AOPEP: variants seen among roughly 807,000 people sequenced by gnomAD.
AOPEP encodes aminopeptidase O.
A neutral mutation model predicts 98.1 loss-of-function variants in AOPEP; 77 were observed. The observed-to-expected ratio is 0.78, with a 90% CI of 0.65 to 0.95. AOPEP has a LOEUF of 0.95. AOPEP is among the 40% of genes least tolerant of loss of function. The pLI, the probability that AOPEP is intolerant of heterozygous loss-of-function variation, is 0.00. For missense variants in AOPEP, 1,024 were observed against 1,024.7 expected (o/e 1.00, Z 0.01); for synonymous variants, 346 against 365.3 (o/e 0.95, Z 0.60).
At chr9:95,099,380 G>T in the AOPEP span, 2 of 228,062 alleles carry the variant, frequency 8.8e-6, no homozygotes, top group Non-Finnish European at 1.7e-5. Flanking sequence ...GCCTCCCTGC[G>T]GCTGCCCCTG....
intron 3 of AOPEP, among the ~76,000 whole-genome samples, chr9:94,778,278 A>G (rs1489901429): frequency 1.3e-5 from 2 of 152,176 alleles, no homozygotes; most frequent in East Asian, 1.9e-4. Context: ...CGATCTAGCA[A>G]TTTTACTCTT....
At chr9:95,073,063 C>T (rs911552564) in intron 14 of AOPEP, among the ~76,000 whole-genome samples, 2 of 152,238 alleles carry the variant, frequency 1.3e-5, no homozygotes, top group Non-Finnish European at 2.9e-5. Context: ...GTGCCTGTCC[C>T]TGGGTCTCCC....
chr9:95,090,592 C>T (rs59069079), downstream of AOPEP, among the ~76,000 whole-genome samples: 2,935 of 152,226 alleles, frequency 0.019, 97 homozygotes, highest in African/African-American at 0.066. Context: ...TGCACTTGGT[C>T]GCCTGCAGGC....
intron 11 of AOPEP, among the ~76,000 whole-genome samples, chr9:94,989,860 C>T (rs1389543602): frequency 6.8e-6 from 1 of 147,708 alleles, no homozygotes; most frequent in Non-Finnish European, 1.5e-5. Context: ...CCGCCCGCCT[C>T]GGCCTCCCAA....
At chr9:95,116,018 G>A in the AOPEP span, among the ~76,000 whole-genome samples, 1 of 152,204 alleles carries the variant, frequency 6.6e-6, no homozygotes, top group Non-Finnish European at 1.5e-5. Flanking sequence ...GCTCTTCTAG[G>A]AACTAGCACA....
At chr9:95,146,780 C>G in the AOPEP span, among the ~76,000 whole-genome samples, 1 of 151,838 alleles carries the variant, frequency 6.6e-6, no homozygotes, top group Non-Finnish European at 1.5e-5. Context: ...AGAGGCCATG[C>G]AACAATTTTC....
intron 5 of AOPEP, chr9:94,824,761 A>G (rs1224080814): frequency 6.6e-6 from 1 of 152,150 alleles, no homozygotes; most frequent in Non-Finnish European, 1.5e-5. Flanking sequence ...AACATAATAA[A>G]TTCGAGAAAA....
At chr9:94,766,491 C>G (rs984578613) in intron 2 of AOPEP, among the ~76,000 whole-genome samples, 1 of 152,162 alleles carries the variant, frequency 6.6e-6, no homozygotes, top group African/African-American at 2.4e-5. Flanking sequence ...GAGCTGAGAT[C>G]GCGCCACTGC....
chr9:94,756,346 C>A (rs537994574), intron 1 of AOPEP, among the ~76,000 whole-genome samples: 3 of 151,810 alleles, frequency 2.0e-5, no homozygotes, highest in Non-Finnish European at 4.4e-5. Context: ...GGCAGATCGC[C>A]TGAGCTGAAG....
intron 5 of AOPEP, among the ~76,000 whole-genome samples, chr9:94,881,623 A>G (rs974518802): frequency 5.9e-5 from 9 of 152,130 alleles, no homozygotes; most frequent in Non-Finnish European, 1.0e-4. Flanking sequence ...TGTTTTTTTA[A>G]TTAAACTGCT....
intron 13 of AOPEP, among the ~76,000 whole-genome samples, chr9:95,023,400 C>G (rs1483282151): frequency 6.6e-6 from 1 of 152,190 alleles, no homozygotes; most frequent in Non-Finnish European, 1.5e-5. Context: ...CTAGTGGGTC[C>G]CAGCCACAGG....
chr9:95,093,667 C>T, the AOPEP span, among the ~76,000 whole-genome samples: 4 of 152,348 alleles, frequency 2.6e-5, no homozygotes, highest in South Asian at 8.3e-4. Flanking sequence ...ATTACCGTCT[C>T]CACCCTGGCG....
At chr9:95,123,392 C>A in the AOPEP span, 1 of 440,326 alleles carries the variant, frequency 2.3e-6, no homozygotes, top group Non-Finnish European at 4.5e-6. Flanking sequence ...GTAACCCCAG[C>A]ACTTTGGGAG....
chr9:95,056,414 A>G (rs971581207), intron 13 of AOPEP: 6 of 152,410 alleles, frequency 3.9e-5, no homozygotes, highest in African/African-American at 1.4e-4. Flanking sequence ...AAGGTCAGTC[A>G]TGGGACATGT....
At chr9:95,015,774 C>A (rs928755149) in intron 13 of AOPEP, among the ~76,000 whole-genome samples, 15 of 152,190 alleles carry the variant, frequency 9.9e-5, no homozygotes, top group Non-Finnish European at 1.9e-4. Flanking sequence ...CAGTTTCATT[C>A]AACTCTTGTT....
chr9:94,956,917 G>T (rs1006974670), intron 9 of AOPEP, among the ~76,000 whole-genome samples: 1 of 152,194 alleles, frequency 6.6e-6, no homozygotes, highest in African/African-American at 2.4e-5. Context: ...AACAAGACCG[G>T]ATGGCTGTTC....
chr9:95,146,241 T>G, the AOPEP span, among the ~76,000 whole-genome samples: 502 of 152,006 alleles, frequency 3.3e-3, 8 homozygotes, highest in East Asian at 0.044. Context: ...AATCCCAACA[T>G]TTTGGGAGGC....
In AOPEP at chr9:94,980,559, T is replaced by C. The variant is rs1436196932; in HGVS notation, c.1977+1132T>C. ...TTGTCCATTTTCACCACAGGGGAAA[T>C]GTCAGCCATCAGCAACCATAAGCTC... On this transcript the variant is annotated intron_variant, in intron 11 of 16. Coordinates refer to ENST00000375315, the MANE Select transcript of AOPEP (RefSeq NM_001193329.3). This position sits in a 1 kb window ranked among gnomAD's most constrained non-coding sequence, Gnocchi z 4.3. Among the ~76,000 whole-genome samples the C allele has an allele frequency of 2.0e-5, 3 of 152,216 alleles. No homozygotes were observed. The East Asian group carries it at 5.8e-4, about 29-fold the overall frequency.
intron 1 of AOPEP, among the ~76,000 whole-genome samples, chr9:94,750,698 C>A (rs1277745706): frequency 6.6e-6 from 1 of 152,020 alleles, no homozygotes; most frequent in Non-Finnish European, 1.5e-5. Flanking sequence ...TTATTTATAT[C>A]CTGCTGCTCG....
Sources: allele counts gnomAD v4.1 joint callset (sites outside exome capture counted in the v4.1 genomes callset), GRCh38; gene constraint gnomAD v4.1.1; non-coding constraint Gnocchi (gnomAD v3.1); transcripts MANE v1.5; gene names NCBI Gene and HGNC (gene_info 2026-07-23, HGNC 2026-07-21).